The following MAST4 variants were observed in gnomAD, a reference collection of about 807,000 sequenced individuals.
MAST4 encodes microtubule-associated serine/threonine-protein kinase 4.
Under a neutral mutation model 162.7 loss-of-function variants are expected in MAST4, and 89 were observed. The ratio of observed to expected loss-of-function variants is 0.55; its 90% CI spans 0.46 to 0.65. MAST4 has a LOEUF of 0.65. Among genes scored for constraint, MAST4 ranks in the 30% least tolerant of loss-of-function variants. The pLI, the probability that MAST4 is intolerant of heterozygous loss-of-function variation, is 0.00. For missense variants in MAST4, 3,153 were observed against 3,374.0 expected (o/e 0.93, Z 1.62); for synonymous variants, 1,479 against 1,361.1 (o/e 1.09, Z -1.91).
intron 1 of MAST4, among the ~76,000 whole-genome samples, chr5:66,680,632 G>C (rs957751217): frequency 6.6e-6 from 1 of 152,162 alleles, no homozygotes; most frequent in African/African-American, 2.4e-5. Flanking sequence ...ACAGAGAACA[G>C]TGAACAGGGG....
At chr5:66,868,715 T>C (rs1760714536) in intron 3 of MAST4, among the ~76,000 whole-genome samples, 1 of 152,114 alleles carries the variant, frequency 6.6e-6, no homozygotes, top group Non-Finnish European at 1.5e-5. Flanking sequence ...ATTGATTATT[T>C]CATAGCCCTA....
At position 66,892,085 on chromosome 5, in the gene MAST4, G is replaced by A. The variant is rs147443211; in HGVS notation, c.643-7866G>A. ...AGAAGCCCTGAGCAAACATCATTTT[G>A]CATCTTATGCATCATTATGCATCAT... is the stretch of plus-strand genomic sequence containing the variant. On this transcript the variant is annotated intron_variant, in intron 3 of 28. Coordinates refer to ENST00000403625, the MANE Select transcript of MAST4 (RefSeq NM_001164664.2). 7.9e-4 allele frequency among the ~76,000 whole-genome samples: 121 copies of A among 152,312 alleles called. No homozygotes were observed. The East Asian group carries it at 0.018, about 23-fold the overall frequency.
Position 67,078,661 on chromosome 5 carries a change from TTTTATA to T in MAST4, c.764-11492_764-11487del, listed in dbSNP as rs1301956836. Among the ~76,000 whole-genome samples the T allele has an allele frequency of 6.5e-3, 814 of 125,942 alleles. 5 individuals carry two copies. Among genetic ancestry groups the T allele is most frequent in the Non-Finnish European group, 9.2e-3 (596 of 64,716 alleles). The allele number at this position is 125,942 out of a possible 152,430, so 82.6% of individuals were successfully genotyped here. A position where few individuals can be genotyped will look rare whatever the true frequency, so the allele number is the denominator to read the frequency against. The stretch of plus-strand genomic sequence containing the variant: ...ATATTTATATCTTTATATATATTTA[TTTTATA>T]TTTATATTATATTTATTTATATTTA... On this transcript the variant is annotated intron_variant, in intron 5 of 28. Transcript: ENST00000403625.
intron 4 of MAST4, among the ~76,000 whole-genome samples, chr5:66,969,649 G>GA (rs1347793976): frequency 6.6e-6 from 1 of 152,104 alleles, no homozygotes; most frequent in African/African-American, 2.4e-5. Context: ...ATGGCTGCCT[G>GA]AATCCCCCTC....
intron 1 of MAST4, among the ~76,000 whole-genome samples, chr5:66,627,177 C>T (rs1744486994): frequency 6.6e-6 from 1 of 152,062 alleles, no homozygotes; most frequent in Non-Finnish European, 1.5e-5. Context: ...TCACATGCAG[C>T]AGCAAGGAGA....
intron 4 of MAST4, among the ~76,000 whole-genome samples, chr5:66,907,608 G>A (rs1001616964): frequency 2.1e-4 from 32 of 150,748 alleles, no homozygotes; most frequent in Admixed American, 6.6e-4. Flanking sequence ...GTGTGTGTGT[G>A]TGTGTGTGTG....
chr5:66,998,000 GTTTGGTAC>G (rs1228760046), intron 4 of MAST4, among the ~76,000 whole-genome samples: 1 of 152,144 alleles, frequency 6.6e-6, no homozygotes, highest in African/African-American at 2.4e-5. Context: ...TATGCTCCCT[GTTTGGTAC>G]TTTGATGAAA....
chr5:66,998,987 C>T (rs1404761614), intron 4 of MAST4, among the ~76,000 whole-genome samples: 3 of 152,154 alleles, frequency 2.0e-5, no homozygotes, highest in Non-Finnish European at 4.4e-5. Flanking sequence ...TTCTGTTTGC[C>T]GGGTGATGCA....
intron 1 of MAST4, among the ~76,000 whole-genome samples, chr5:66,631,836 T>G (rs560234122): frequency 6.6e-6 from 1 of 152,284 alleles, no homozygotes; most frequent in East Asian, 1.9e-4. Flanking sequence ...GCCATCCCCA[T>G]TTTACCAAAG....
intron 1 of MAST4, among the ~76,000 whole-genome samples, chr5:66,608,536 G>C (rs1743059053): frequency 2.6e-5 from 4 of 151,594 alleles, no homozygotes; most frequent in Admixed American, 2.6e-4. Context: ...CACTTATTTG[G>C]TATGTCTCTG....
intron 4 of MAST4, among the ~76,000 whole-genome samples, chr5:66,914,426 G>A (rs1160552983): frequency 6.6e-6 from 1 of 152,210 alleles, no homozygotes; most frequent in African/African-American, 2.4e-5. Flanking sequence ...TGCAAGGGAC[G>A]TAGTTGGGTG....
chr5:66,621,373 G>A (rs189530752), intron 1 of MAST4, among the ~76,000 whole-genome samples: 2 of 152,320 alleles, frequency 1.3e-5, no homozygotes, highest in African/African-American at 2.4e-5. Flanking sequence ...TGTATGAGTA[G>A]CAGTGAGAAA....
At chr5:66,747,317 T>C (rs948360134) in intron 1 of MAST4, among the ~76,000 whole-genome samples, 2 of 152,178 alleles carry the variant, frequency 1.3e-5, no homozygotes, top group Non-Finnish European at 1.5e-5. Context: ...TCTAATACTG[T>C]ATTTTGGGAT....
Position 67,164,082 on chromosome 5 carries a change from G to A in MAST4, c.4903G>A (p.Asp1635Asn). The A allele has an allele frequency of 6.4e-7, 1 of 1,570,056 alleles. No homozygotes were observed. Among genetic ancestry groups the A allele is most frequent in the Non-Finnish European group, 8.6e-7 (1 of 1,157,196 alleles). ...TGCGGAGCACCGCCAGGGTGGCGGG[G>A]ACTTCAGACGGGCCCCCGCTCCTGG... Reference protein sequence around the residue: ...VPAEHRQGGGDFRRAPAPGTL... With the variant: ...VPAEHRQGGGNFRRAPAPGTL... Residue 1635 changes from aspartate (D) to asparagine (N), a missense_variant, in exon 29 of 29, where the codon GAC becomes AAC. Asp to Asn is a conservative substitution (Grantham distance 23). Transcript: ENST00000403625. This position sits in a 1 kb window ranked among gnomAD's most constrained non-coding sequence, Gnocchi z 5.3.
chr5:66,799,408 C>A (rs890943692), intron 3 of MAST4, among the ~76,000 whole-genome samples: 1 of 152,158 alleles, frequency 6.6e-6, no homozygotes, highest in Admixed American at 6.5e-5. Flanking sequence ...GCCTTCTCCC[C>A]CTTCTCTCCT....
At chr5:66,800,836 T>TA (rs1168189609) in intron 3 of MAST4, among the ~76,000 whole-genome samples, 1 of 152,186 alleles carries the variant, frequency 6.6e-6, no homozygotes, top group Non-Finnish European at 1.5e-5. Flanking sequence ...TCTTTTTGTA[T>TA]AAAAAATATG....
Position 66,596,808 on chromosome 5 carries a change from A to G in MAST4, c.153A>G (p.Glu51=), listed in dbSNP as rs1410356771. ...SSSGSETLSE[E]GEPGGFSREH... ...CGGGCTCAGAAACTCTGTCGGAGGA[A>G]GGGGAGCCCGGCGGCTTCTCCAGAG... The change falls in exon 1 of 29, where the codon GAA becomes GAG. Residue 51 remains glutamate, a synonymous_variant. Transcript: ENST00000403625. The G allele has an allele frequency of 1.6e-6, 2 of 1,261,668 alleles. No individual in the cohort carries two copies. Among genetic ancestry groups the G allele is most frequent in the Non-Finnish European group, 2.0e-6 (2 of 994,656 alleles). 78.2% of individuals were successfully genotyped at this position (1,261,668 alleles called of 1,614,324 possible).
intron 4 of MAST4, among the ~76,000 whole-genome samples, chr5:66,992,919 T>C (rs151236284): frequency 8.9e-4 from 136 of 152,308 alleles, no homozygotes; most frequent in African/African-American, 3.0e-3. Context: ...ATCTTTTCTC[T>C]GCTATGGCTG....
At chr5:66,832,757 G>A (rs981846492) in intron 3 of MAST4, among the ~76,000 whole-genome samples, 1 of 152,138 alleles carries the variant, frequency 6.6e-6, no homozygotes, top group African/African-American at 2.4e-5. Flanking sequence ...GACTCTGACT[G>A]GCTATAGGGA....
Sources: gnomAD v4.1 joint callset for allele counts (sites outside exome capture counted in the v4.1 genomes callset) on GRCh38, gnomAD v4.1.1 for gene constraint, Gnocchi (gnomAD v3.1) non-coding constraint, MANE v1.5 for transcripts, NCBI Gene and HGNC (gene_info 2026-07-23, HGNC 2026-07-21) for gene names.